Variants in BMPR1B observed in about 807,000 individuals in gnomAD.
BMPR1B encodes the protein bone morphogenetic protein receptor type-1B.
BMPR1B carries 12 observed loss-of-function variants against 59.1 expected under a neutral mutation model. The ratio of observed to expected loss-of-function variants is 0.20; its 90% CI spans 0.13 to 0.33. The LOEUF (loss-of-function observed/expected upper bound fraction) is 0.33, where lower values mean the gene tolerates loss of function less well. Ranked by LOEUF, BMPR1B falls within the 10% of genes least tolerant of loss-of-function variation. The probability of loss-of-function intolerance (pLI) is 1.00; values close to 1 mark genes in which losing one functional copy is unlikely to be tolerated. For synonymous variants in BMPR1B, 237 were observed against 207.3 expected (o/e 1.14, Z -1.23); for missense variants, 550 against 610.9 (o/e 0.90, Z 1.05).
chr4:94,939,338 G>A (rs1729428715), intron 2 of BMPR1B, among the ~76,000 whole-genome samples: 1 of 152,104 alleles, frequency 6.6e-6, no homozygotes, highest in African/African-American at 2.4e-5. Flanking sequence ...AACACTGTAA[G>A]TTAAAATCAG....
chr4:94,919,741 C>CT (rs2149022864), intron 2 of BMPR1B, among the ~76,000 whole-genome samples: 1 of 152,214 alleles, frequency 6.6e-6, no homozygotes, highest in Non-Finnish European at 1.5e-5. Context: ...TGGGCAAAGT[C>CT]TATGATCCAG....
intron 2 of BMPR1B, among the ~76,000 whole-genome samples, chr4:94,897,137 A>T (rs1727617691): frequency 6.6e-6 from 1 of 151,928 alleles, no homozygotes; most frequent in Non-Finnish European, 1.5e-5. Flanking sequence ...CCTGCTCTCC[A>T]TGACAAGGTC....
chr4:94,992,641 C>T (rs1262240790), intron 2 of BMPR1B, among the ~76,000 whole-genome samples: 2 of 152,184 alleles, frequency 1.3e-5, no homozygotes, highest in Non-Finnish European at 2.9e-5. Context: ...GACCACATGC[C>T]TCAAGAAGAC....
chr4:94,933,499 C>G (rs1018134759), intron 2 of BMPR1B, among the ~76,000 whole-genome samples: 2 of 152,014 alleles, frequency 1.3e-5, no homozygotes, highest in Non-Finnish European at 2.9e-5. Flanking sequence ...GAGACAAACT[C>G]AAGCTTTTAT....
chr4:94,976,840 T>C (rs1223490632), intron 2 of BMPR1B, among the ~76,000 whole-genome samples: 1 of 152,108 alleles, frequency 6.6e-6, no homozygotes, highest in Non-Finnish European at 1.5e-5. Flanking sequence ...GCTGAATGAG[T>C]AATCAGTCCA....
chr4:95,003,801 CTTTTTTTT>C (rs5860385), intron 3 of BMPR1B, among the ~76,000 whole-genome samples: 2 of 84,560 alleles, frequency 2.4e-5, no homozygotes, highest in South Asian at 5.3e-4. Context: ...CAAAGTCCAT[CTTTTTTTT>C]TTTTTTTTTT....
intron 1 of BMPR1B, among the ~76,000 whole-genome samples, chr4:94,825,576 C>T (rs1435541417): frequency 1.3e-5 from 2 of 151,922 alleles, no homozygotes; most frequent in East Asian, 3.9e-4. Flanking sequence ...AAACCTTTCC[C>T]AGAAATCTTG....
intron 3 of BMPR1B, among the ~76,000 whole-genome samples, chr4:95,087,737 A>C (rs191522260): frequency 8.9e-4 from 136 of 152,242 alleles, no homozygotes; most frequent in South Asian, 1.9e-3. Context: ...GTCTCAAAAA[A>C]AATAAATAAA....
rs779105206 is a variant in BMPR1B, at chr4:95,125,155, A to G, written c.585+34A>G. 6.8e-6 allele frequency: 11 copies of G among 1,612,114 alleles called. 1 individual carries two copies. The South Asian group carries it at 1.2e-4, about 18-fold the overall frequency. The stretch of plus-strand genomic sequence containing the variant: ...AGAACACATCTTGAATTTAAAGGAA[A>G]TGTTTTCTGAAAGAACTGTCAATGA... On this transcript the variant is annotated intron_variant, in intron 8 of 12. Transcript: ENST00000515059.
intron 3 of BMPR1B, chr4:95,103,497 A>G (rs1730972066): frequency 1.0e-6 from 1 of 985,154 alleles, no homozygotes; most frequent in Admixed American, 6.2e-5. Context: ...AGCTCTTACC[A>G]CAACGCCTGA....
At chr4:94,772,927 A>G (rs1329850314) in intron 1 of BMPR1B, among the ~76,000 whole-genome samples, 2 of 152,112 alleles carry the variant, frequency 1.3e-5, no homozygotes, top group African/African-American at 2.4e-5. Flanking sequence ...ATGAAACCAT[A>G]TAATAAGGAA....
At chr4:94,818,140 C>CT in intron 1 of BMPR1B, among the ~76,000 whole-genome samples, 1 of 152,086 alleles carries the variant, frequency 6.6e-6, no homozygotes, top group Admixed American at 6.5e-5. Context: ...TATTCTGTCT[C>CT]TTTTTTATTA....
At chr4:95,026,142 C>CTT (rs1553928508) in intron 3 of BMPR1B, among the ~76,000 whole-genome samples, 2 of 146,832 alleles carry the variant, frequency 1.4e-5, no homozygotes, top group African/African-American at 5.2e-5. Context: ...TTCTTTCTTT[C>CTT]TTTCTTTCTT....
At chr4:94,891,892 C>G (rs756876181) in intron 2 of BMPR1B, among the ~76,000 whole-genome samples, 13 of 151,998 alleles carry the variant, frequency 8.6e-5, no homozygotes, top group Non-Finnish European at 1.9e-4. Flanking sequence ...TTTGAGGCAC[C>G]ATGCCAAGCC....
At chr4:95,027,509 A>G (rs988212117) in intron 3 of BMPR1B, among the ~76,000 whole-genome samples, 1 of 152,198 alleles carries the variant, frequency 6.6e-6, no homozygotes, top group Non-Finnish European at 1.5e-5. Context: ...TGTCAAGCCT[A>G]TTCTGAAGAT....
chr4:94,960,548 A>G (rs1194652246), intron 2 of BMPR1B, among the ~76,000 whole-genome samples: 1 of 152,136 alleles, frequency 6.6e-6, no homozygotes, highest in Non-Finnish European at 1.5e-5. Context: ...TTTTAAAAAC[A>G]AAAGCTCTAC....
At chr4:94,878,818 T>C (rs1370065871) in intron 2 of BMPR1B, among the ~76,000 whole-genome samples, 4 of 151,890 alleles carry the variant, frequency 2.6e-5, no homozygotes, top group Admixed American at 1.3e-4. Context: ...ATGTGTTTTC[T>C]AGTTTGTCTA....
At chr4:94,935,051 CTGTT>C (rs1729239442) in intron 2 of BMPR1B, among the ~76,000 whole-genome samples, 1 of 152,012 alleles carries the variant, frequency 6.6e-6, no homozygotes, top group South Asian at 2.1e-4. Flanking sequence ...CATTTTGAAA[CTGTT>C]TGCATTATGA....
chr4:94,903,953 A>G (rs1727930828), intron 2 of BMPR1B, among the ~76,000 whole-genome samples: 1 of 152,060 alleles, frequency 6.6e-6, no homozygotes, highest in Non-Finnish European at 1.5e-5. Flanking sequence ...GGTATTTGTC[A>G]CAGCAGCCCT....
Sources: gnomAD v4.1 joint callset for allele counts (sites outside exome capture counted in the v4.1 genomes callset) on GRCh38, gnomAD v4.1.1 for gene constraint, MANE v1.5 for transcripts, NCBI Gene and HGNC (gene_info 2026-07-23, HGNC 2026-07-21) for gene names.